Variants in EPS8 observed in about 807,000 individuals in gnomAD.
The protein encoded by EPS8 is epidermal growth factor receptor kinase substrate 8.
EPS8 carries 42 observed loss-of-function variants against 103.8 expected under a neutral mutation model. The ratio of observed to expected loss-of-function variants is 0.40; its 90% confidence interval spans 0.32 to 0.52. The LOEUF is 0.52. EPS8 is among the 20% of genes least tolerant of loss of function. The pLI, the probability that EPS8 is intolerant of heterozygous loss-of-function variation, is 0.40. For synonymous variants in EPS8, 344 were observed against 344.6 expected (o/e 1.00, Z 0.02); for missense variants, 969 against 1,005.1 (o/e 0.96, Z 0.49).
rs184361626 is a variant in EPS8 at position 15,695,121 on chromosome 12, G to A, written c.-21-12149C>T. On this transcript the variant is annotated intron_variant, in intron 1 of 20. Transcript: ENST00000281172. This position sits in a 1 kb window ranked among gnomAD's most constrained non-coding sequence, Gnocchi z 5.0. ...ACTTTAAATTAGAGTTATAAGTAAAGGTAATTTGGCCATGACATCAGCAAC... is the reference window on the plus strand; with the variant it reads ...ACTTTAAATTAGAGTTATAAGTAAAAGTAATTTGGCCATGACATCAGCAAC... Among the ~76,000 whole-genome samples the A allele has an allele frequency of 3.9e-5, 6 of 152,218 alleles. No individual in the cohort carries two copies. The East Asian group carries it at 1.2e-3, about 29-fold the overall frequency.
chr12:15,783,934 G>A lies in EPS8; in HGVS notation c.-22+5227C>T, dbSNP rs574286992. ...TAATTTAAAAATCACATTTACTTGTGCTGGTACAACTAGGAATCCATATGC... is the reference window on the plus strand; with the variant it reads ...TAATTTAAAAATCACATTTACTTGTACTGGTACAACTAGGAATCCATATGC... On this transcript the variant is annotated intron_variant, in intron 1 of 20. Transcript: ENST00000281172. Among the ~76,000 whole-genome samples the A allele has an allele frequency of 5.9e-5, 9 of 151,964 alleles. No individual in the cohort carries two copies. In the South Asian group the frequency reaches 1.2e-3, roughly 21 times the overall value.
Position 15,684,983 on chromosome 12 carries a change from G to A in EPS8, c.-21-2011C>T, listed in dbSNP as rs943142440. Among the ~76,000 whole-genome samples, 11 of 152,168 alleles carry A rather than the reference G, an allele frequency of 7.2e-5. No individual in the cohort carries two copies. Among genetic ancestry groups the A allele is most frequent in the Admixed American group, 2.6e-4 (4 of 15,278 alleles). On this transcript the variant is annotated intron_variant, in intron 1 of 20. Coordinates refer to ENST00000281172, the MANE Select transcript of EPS8 (RefSeq NM_004447.6). The surrounding 1 kb of genome is among the most constrained non-coding windows in gnomAD (Gnocchi z 4.9). Reference sequence around the variant, plus strand: ...AATTCTCAGGGTGGGACAAGGCAGAGGGCCTGATTTGTAGTGCTTATTGTT... The same window carrying A: ...AATTCTCAGGGTGGGACAAGGCAGAAGGCCTGATTTGTAGTGCTTATTGTT...
At chr12:15,635,015 C>T (rs1764761477) in intron 17 of EPS8, among the ~76,000 whole-genome samples, 1 of 152,048 alleles carries the variant, frequency 6.6e-6, no homozygotes, top group East Asian at 1.9e-4. Context: ...TCAACAGTAA[C>T]TATTTGTATA....
chr12:15,759,766 C>A lies in EPS8; in HGVS notation c.-22+29395G>T, dbSNP rs1057313881. 1.3e-5 allele frequency among the ~76,000 whole-genome samples: 2 copies of A among 151,928 alleles called. No homozygotes were observed. The highest frequency in any genetic ancestry group is 6.6e-5 in the Admixed American group (1 of 15,262). ...AAGGAAATTGAAGAATTTCTTGAAACAAATGATAATGGAAACACAACATAC... is the reference window on the plus strand; with the variant it reads ...AAGGAAATTGAAGAATTTCTTGAAAAAAATGATAATGGAAACACAACATAC... On this transcript the variant is annotated intron_variant, in intron 1 of 20. Transcript: ENST00000281172. This position sits in a 1 kb window ranked among gnomAD's most constrained non-coding sequence, Gnocchi z 4.9.
intron 1 of EPS8, among the ~76,000 whole-genome samples, chr12:15,755,105 T>C (rs1292947380): frequency 6.6e-6 from 1 of 152,154 alleles, no homozygotes; most frequent in Non-Finnish European, 1.5e-5. Context: ...ACAGATTACA[T>C]CTACCAAAGG....
rs1591888355 is a variant in EPS8, at chr12:15,714,624, C to A, written c.-21-31652G>T. On this transcript the variant is annotated intron_variant, in intron 1 of 20. Coordinates refer to ENST00000281172, the MANE Select transcript of EPS8 (RefSeq NM_004447.6). This position sits in a 1 kb window ranked among gnomAD's most constrained non-coding sequence, Gnocchi z 4.1. Reference sequence around the variant, plus strand: ...CGCCACTGTATTCCAGCCTGTGTGACTGAGCAGGACCCATCTCTTTAACCC... The same window carrying A: ...CGCCACTGTATTCCAGCCTGTGTGAATGAGCAGGACCCATCTCTTTAACCC... Among the ~76,000 whole-genome samples the A allele has an allele frequency of 2.0e-5, 3 of 152,288 alleles. No individual in the cohort carries two copies. The East Asian group carries it at 5.8e-4, about 29-fold the overall frequency.
chr12:15,637,004 A>G lies in EPS8; in HGVS notation c.1821+3699T>C, dbSNP rs533540976. ...CTATGGGTTTATACAAAAAGAGATG[A>G]CAATCTTTGTTTTTTCTTCTTTTTC... On this transcript the variant is annotated intron_variant, in intron 17 of 20. Coordinates refer to ENST00000281172, the MANE Select transcript of EPS8 (RefSeq NM_004447.6). Among the ~76,000 whole-genome samples the G allele has an allele frequency of 3.2e-4, 49 of 152,196 alleles. 1 individual carries two copies. The highest frequency in any genetic ancestry group is 6.3e-4 in the Non-Finnish European group (43 of 68,016).
rs147831794 is a variant in EPS8, at chr12:15,654,204, A to G, written c.1191T>C (p.Thr397=). ...ACAGCTGCCGTTCATCACCATTGAC[A>G]GTATAATTTAAGAAATCAATTGTGT... ...NKDTIDFLNY[T]VNGDERQLWM... The change falls in exon 13 of 21, where the codon ACT becomes ACC. Residue 397 remains threonine (T), a synonymous_variant. Transcript: ENST00000281172. 9 of 1,613,788 alleles carry G rather than the reference A, an allele frequency of 5.6e-6. No homozygotes were observed. The African/African-American group carries it at 1.1e-4, about 19-fold the overall frequency.
At chr12:15,729,119 T>C (rs1293886024) in intron 1 of EPS8, among the ~76,000 whole-genome samples, 1 of 152,212 alleles carries the variant, frequency 6.6e-6, no homozygotes, top group African/African-American at 2.4e-5. Flanking sequence ...GATGTAATTC[T>C]TACCCTTAAT....
rs78534149 is a variant in EPS8, at chr12:15,748,845, A to G, written c.-22+40316T>C. ...AGCCCCGCCTCACCAAAAAAAGCCT[A>G]TCTGGTTTCCTAATTTTCATAATGG... On this transcript the variant is annotated intron_variant, in intron 1 of 20. Transcript: ENST00000281172. The surrounding 1 kb of genome is among the most constrained non-coding windows in gnomAD (Gnocchi z 4.8). Among the ~76,000 whole-genome samples, 1,391 of 152,270 alleles carry G rather than the reference A, an allele frequency of 9.1e-3. 29 individuals carry two copies. The highest frequency in any genetic ancestry group is 0.031 in the African/African-American group (1,286 of 41,548).
intron 12 of EPS8, among the ~76,000 whole-genome samples, chr12:15,654,947 A>G (rs999968173): frequency 3.3e-5 from 5 of 152,180 alleles, no homozygotes; most frequent in African/African-American, 7.2e-5. Context: ...GTAGATGTTC[A>G]AAAACTGCTC....
intron 1 of EPS8, among the ~76,000 whole-genome samples, chr12:15,699,397 G>A (rs1946283352): frequency 6.6e-6 from 1 of 152,148 alleles, no homozygotes; most frequent in Admixed American, 6.6e-5. Context: ...TGTAAAATGA[G>A]AATGATTGTT....
chr12:15,623,040 A>T, intron 20 of EPS8, 118 bp downstream of exon 20: 1 of 988,648 alleles, frequency 1.0e-6, no homozygotes, highest in Non-Finnish European at 1.5e-6. Flanking sequence ...TTACAAAAGC[A>T]GAGTTAAATT....
In EPS8 at chr12:15,757,407, G is replaced by A. The variant is rs1197980955; in HGVS notation, c.-22+31754C>T. Among the ~76,000 whole-genome samples, 1 of 152,172 alleles carries A rather than the reference G, an allele frequency of 6.6e-6. No individual in the cohort carries two copies. Among genetic ancestry groups the A allele is most frequent in the African/African-American group, 2.4e-5 (1 of 41,444 alleles). ...GAACTTTGGGAGGCTGAGGTGGGCA[G>A]ATCACAAAGTCAGGAGATCGAGACC... On this transcript the variant is annotated intron_variant, in intron 1 of 20. Transcript: ENST00000281172. The surrounding 1 kb of genome is among the most constrained non-coding windows in gnomAD (Gnocchi z 4.1).
chr12:15,753,265 A>C (rs1484238976), intron 1 of EPS8, among the ~76,000 whole-genome samples: 1 of 152,210 alleles, frequency 6.6e-6, no homozygotes, highest in Non-Finnish European at 1.5e-5. Context: ...AGCCAAAATT[A>C]AGTAAAATTG....
At chr12:15,770,601 A>G (rs1947144165) in intron 1 of EPS8, among the ~76,000 whole-genome samples, 1 of 152,190 alleles carries the variant, frequency 6.6e-6, no homozygotes, top group South Asian at 2.1e-4. Context: ...GGAAAAAGTT[A>G]TAATACTTTA....
At chr12:15,685,228 G>A (rs1946074974) in intron 1 of EPS8, among the ~76,000 whole-genome samples, 1 of 152,140 alleles carries the variant, frequency 6.6e-6, no homozygotes, top group Non-Finnish European at 1.5e-5. Context: ...AACTGGGCTA[G>A]GAAAGTCAAT....
intron 19 of EPS8, 70 bp downstream of exon 19, chr12:15,624,157 C>A: frequency 7.9e-7 from 1 of 1,261,726 alleles, no homozygotes; most frequent in Non-Finnish European, 1.1e-6. Flanking sequence ...TCTGTGACAT[C>A]TAACTAAGCA....
At chr12:15,664,021 A>C (rs1458699582) in intron 8 of EPS8, among the ~76,000 whole-genome samples, 1 of 145,726 alleles carries the variant, frequency 6.9e-6, no homozygotes, top group Non-Finnish European at 1.5e-5. Context: ...TATACATAAT[A>C]TATATTATAT....
Sources: gnomAD v4.1 joint callset for allele counts (sites outside exome capture counted in the v4.1 genomes callset) on GRCh38, gnomAD v4.1.1 for gene constraint, Gnocchi (gnomAD v3.1) non-coding constraint, MANE v1.5 for transcripts, NCBI Gene and HGNC (gene_info 2026-07-23, HGNC 2026-07-21) for gene names.